Variants in CSTPP1 observed in about 807,000 individuals in gnomAD.
CSTPP1 encodes UPF0705 protein C11orf49.
chr11:47,140,257 T>C, the CSTPP1 span, among the ~76,000 whole-genome samples: 1 of 152,166 alleles, frequency 6.6e-6, no homozygotes, highest in Non-Finnish European at 1.5e-5. Flanking sequence ...TAATTTTAAT[T>C]TATCTGCTAT....
chr11:46,964,584 C>T, the CSTPP1 span, among the ~76,000 whole-genome samples: 7 of 152,154 alleles, frequency 4.6e-5, no homozygotes, highest in African/African-American at 1.7e-4. Flanking sequence ...CGCGCCTGGC[C>T]CACAGTGCTT....
At chr11:46,980,783 GA>G in the CSTPP1 span, among the ~76,000 whole-genome samples, 1 of 152,174 alleles carries the variant, frequency 6.6e-6, no homozygotes, top group Admixed American at 6.5e-5. Context: ...GACAACCAGA[GA>G]AGAAAATTGG....
At chr11:47,092,980 T>G in the CSTPP1 span, among the ~76,000 whole-genome samples, 10 of 152,328 alleles carry the variant, frequency 6.6e-5, 1 homozygote, top group East Asian at 1.9e-3. Flanking sequence ...TTTGTAAATA[T>G]TTGTTTAATA....
chr11:47,094,013 G>A, the CSTPP1 span, among the ~76,000 whole-genome samples: 1 of 152,196 alleles, frequency 6.6e-6, no homozygotes, highest in Non-Finnish European at 1.5e-5. Context: ...CATGTGACCT[G>A]AGCTTACTTA....
At chr11:47,032,683 A>G in the CSTPP1 span, among the ~76,000 whole-genome samples, 2 of 152,236 alleles carry the variant, frequency 1.3e-5, no homozygotes, top group African/African-American at 2.4e-5. Context: ...CTTCTTATTC[A>G]TGATAGCTTA....
At chr11:47,134,580 G>C in the CSTPP1 span, among the ~76,000 whole-genome samples, 1 of 152,108 alleles carries the variant, frequency 6.6e-6, no homozygotes. Context: ...CTGTGAGAAG[G>C]GCCTTTGAGA....
At chr11:47,095,491 C>A in the CSTPP1 span, among the ~76,000 whole-genome samples, 1 of 152,128 alleles carries the variant, frequency 6.6e-6, no homozygotes, top group Non-Finnish European at 1.5e-5. Flanking sequence ...GCTTACAGAT[C>A]ATTAAAAGCA....
At chr11:47,164,311 C>A in the CSTPP1 span, 1 of 1,519,040 alleles carries the variant, frequency 6.6e-7, no homozygotes, top group Non-Finnish European at 8.8e-7. Flanking sequence ...TTCACTCAGA[C>A]CAACAGGGAG....
At chr11:47,010,787 T>C in the CSTPP1 span, among the ~76,000 whole-genome samples, 1 of 152,224 alleles carries the variant, frequency 6.6e-6, no homozygotes, top group South Asian at 2.1e-4. Context: ...GATTGGACTG[T>C]TATTCTTATT....
chr11:47,052,591 CTCT>C, the CSTPP1 span: 1 of 1,531,766 alleles, frequency 6.5e-7, no homozygotes, highest in East Asian at 2.3e-5. Flanking sequence ...TCCTCTCTCT[CTCT>C]TTCTTTCTCT....
the CSTPP1 span, among the ~76,000 whole-genome samples, chr11:47,018,779 T>C: frequency 5.3e-5 from 8 of 152,226 alleles, no homozygotes; most frequent in Admixed American, 5.2e-4. Flanking sequence ...ATTTCTCAAG[T>C]GGCTAATGAT....
At chr11:47,024,053 CTT>C in the CSTPP1 span, among the ~76,000 whole-genome samples, 35 of 145,168 alleles carry the variant, frequency 2.4e-4, no homozygotes, top group African/African-American at 8.0e-4. Context: ...TATTGTGTTC[CTT>C]TTTTTTTTTT....
At chr11:47,053,582 T>C in the CSTPP1 span, among the ~76,000 whole-genome samples, 1 of 148,822 alleles carries the variant, frequency 6.7e-6, no homozygotes, top group East Asian at 2.0e-4. Flanking sequence ...ATCGTGCCAC[T>C]GCTCTCCAGC....
chr11:47,039,290 TAGGAGCTGGAG>T, the CSTPP1 span, among the ~76,000 whole-genome samples: 1 of 127,694 alleles, frequency 7.8e-6, no homozygotes, highest in African/African-American at 2.5e-5. Context: ...CACTCGCGGT[TAGGAGCTGGAG>T]ACCAGCCCAG....
At chr11:47,131,806 A>G in the CSTPP1 span, among the ~76,000 whole-genome samples, 1 of 151,818 alleles carries the variant, frequency 6.6e-6, no homozygotes, top group South Asian at 2.1e-4. Flanking sequence ...GTGAAACCTC[A>G]CCTCTACTAA....
the CSTPP1 span, among the ~76,000 whole-genome samples, chr11:47,010,327 G>A: frequency 6.6e-6 from 1 of 152,188 alleles, no homozygotes; most frequent in Non-Finnish European, 1.5e-5. Flanking sequence ...TCTTCAAAGA[G>A]TCTCACTTTA....
the CSTPP1 span, among the ~76,000 whole-genome samples, chr11:47,078,329 A>C: frequency 3.9e-5 from 6 of 152,234 alleles, no homozygotes; most frequent in Non-Finnish European, 8.8e-5. Context: ...TGAAGGAGTT[A>C]CTGAGTGAAT....
chr11:47,030,744 C>T, the CSTPP1 span, among the ~76,000 whole-genome samples: 3 of 152,210 alleles, frequency 2.0e-5, no homozygotes, highest in Non-Finnish European at 4.4e-5. Flanking sequence ...CATCATTTAG[C>T]TCCCACTTAT....
chr11:47,119,002 A>G, the CSTPP1 span, among the ~76,000 whole-genome samples: 1 of 152,382 alleles, frequency 6.6e-6, no homozygotes, highest in African/African-American at 2.4e-5. Context: ...GCTGTCAGAC[A>G]GGGACGTTTA....
Sources: gnomAD v4.1 joint callset for allele counts (sites outside exome capture counted in the v4.1 genomes callset) on GRCh38, gnomAD v4.1.1 for gene constraint, MANE v1.5 for transcripts, NCBI Gene and HGNC (gene_info 2026-07-23, HGNC 2026-07-21) for gene names.